Variants in MYT1L observed in about 807,000 individuals in gnomAD.
MYT1L encodes myelin transcription factor 1 like, also known as myelin transcription factor 1-like protein.
Under a neutral mutation model 126.7 loss-of-function variants are expected in MYT1L, and 12 were observed. The ratio of observed to expected loss-of-function variants is 0.09; its 90% CI spans 0.06 to 0.15. The LOEUF (loss-of-function observed/expected upper bound fraction) is 0.15. MYT1L is among the 10% of genes least tolerant of loss of function. The pLI is 1.00. For missense variants in MYT1L, 979 were observed against 1,585.2 expected (o/e 0.62, Z 6.49); for synonymous variants, 541 against 604.2 (o/e 0.90, Z 1.53).
At chr2:1,891,660 C>A (rs2048896130) in intron 15 of MYT1L, among the ~76,000 whole-genome samples, 1 of 152,150 alleles carries the variant, frequency 6.6e-6, no homozygotes, top group African/African-American at 2.4e-5. Flanking sequence ...AGCAGAACTT[C>A]CTGTCAAAGT....
chr2:1,842,161 G>A (rs899664176), intron 19 of MYT1L: 2 of 152,306 alleles, frequency 1.3e-5, no homozygotes, highest in African/African-American at 4.8e-5. Flanking sequence ...TCCTGAGCTC[G>A]GGGATAGTTT....
At chr2:2,094,372 C>T (rs2077209579) in intron 3 of MYT1L, among the ~76,000 whole-genome samples, 1 of 152,170 alleles carries the variant, frequency 6.6e-6, no homozygotes, top group Non-Finnish European at 1.5e-5. Flanking sequence ...AGTGATTTCT[C>T]AGGGATCTAG....
At chr2:2,102,126 G>A (rs1428472939) in intron 3 of MYT1L, among the ~76,000 whole-genome samples, 2 of 152,150 alleles carry the variant, frequency 1.3e-5, no homozygotes. Context: ...TACCACTGGG[G>A]GGAAGCTGTT....
At chr2:1,959,436 A>G (rs1367396782) in intron 8 of MYT1L, among the ~76,000 whole-genome samples, 2 of 152,234 alleles carry the variant, frequency 1.3e-5, no homozygotes, top group African/African-American at 4.8e-5. Context: ...CAGGGGTCAC[A>G]GTCCAGCATC....
chr2:1,902,787 A>G (rs1471255614), intron 14 of MYT1L: 2 of 402,926 alleles, frequency 5.0e-6, no homozygotes, highest in Non-Finnish European at 9.2e-6. Flanking sequence ...ACCACAAAAG[A>G]CAATAAGCCA....
intron 18 of MYT1L, among the ~76,000 whole-genome samples, chr2:1,866,417 A>G (rs1399957603): frequency 6.7e-6 from 1 of 149,578 alleles, no homozygotes; most frequent in African/African-American, 2.5e-5. Context: ...GAGGAGAGAG[A>G]AGGAGGCAGG....
intron 2 of MYT1L, among the ~76,000 whole-genome samples, chr2:2,182,894 G>C (rs917393041): frequency 2.6e-5 from 4 of 152,208 alleles, no homozygotes; most frequent in African/African-American, 9.6e-5. Flanking sequence ...AGTTGCAGGG[G>C]AGAGAAGGAG....
intron 4 of MYT1L, among the ~76,000 whole-genome samples, chr2:2,036,501 C>CA (rs768177442): frequency 6.6e-6 from 1 of 151,856 alleles, no homozygotes; most frequent in Non-Finnish European, 1.5e-5. Flanking sequence ...AACTTCTCCC[C>CA]ACAATCTCCA....
intron 4 of MYT1L, among the ~76,000 whole-genome samples, chr2:2,025,778 T>C (rs1479654133): frequency 6.6e-6 from 1 of 152,104 alleles, no homozygotes; most frequent in African/African-American, 2.4e-5. Flanking sequence ...AATTTACATA[T>C]AACATTCCTG....
chr2:2,275,242 G>A (rs1445149178), intron 2 of MYT1L, among the ~76,000 whole-genome samples: 1 of 147,942 alleles, frequency 6.8e-6, no homozygotes, highest in Non-Finnish European at 1.5e-5. Flanking sequence ...GTGTGTGTGT[G>A]TGTGCATGCC....
chr2:1,880,471 A>G (rs914185627), intron 18 of MYT1L, among the ~76,000 whole-genome samples: 3 of 152,204 alleles, frequency 2.0e-5, no homozygotes, highest in Admixed American at 2.0e-4. Flanking sequence ...CTGAGTAGCT[A>G]GAACACTTTT....
At chr2:2,032,026 T>C (rs1310892116) in intron 4 of MYT1L, among the ~76,000 whole-genome samples, 30 of 118,028 alleles carry the variant, frequency 2.5e-4, no homozygotes, top group East Asian at 1.8e-3. Flanking sequence ...GAGGGCCTTA[T>C]ACACACCCCT....
At chr2:1,813,193 G>A (rs912357015) in intron 21 of MYT1L, among the ~76,000 whole-genome samples, 4 of 152,184 alleles carry the variant, frequency 2.6e-5, no homozygotes, top group Non-Finnish European at 5.9e-5. Context: ...GGGAGAGAGG[G>A]AGGGCCACAA....
intron 3 of MYT1L, among the ~76,000 whole-genome samples, chr2:2,165,054 G>A (rs1180526518): frequency 2.0e-5 from 3 of 152,148 alleles, no homozygotes; most frequent in Admixed American, 2.0e-4. Context: ...TTTCCTGGAT[G>A]AGTCTCTGCT....
intron 2 of MYT1L, among the ~76,000 whole-genome samples, chr2:2,230,745 G>A (rs1358238982): frequency 1.3e-5 from 2 of 152,150 alleles, no homozygotes; most frequent in Non-Finnish European, 2.9e-5. Context: ...TGCACACCAC[G>A]CTGAAAGATT....
chr2:2,137,409 T>G (rs1238720805), intron 3 of MYT1L, among the ~76,000 whole-genome samples: 1 of 152,154 alleles, frequency 6.6e-6, no homozygotes, highest in Non-Finnish European at 1.5e-5. Flanking sequence ...AGAACAAAGC[T>G]GAAAGCATCA....
chr2:1,794,656 T>A (rs1193146226), intron 23 of MYT1L, among the ~76,000 whole-genome samples: 2 of 152,206 alleles, frequency 1.3e-5, no homozygotes, highest in African/African-American at 4.8e-5. Context: ...CTGGAAAGTC[T>A]AGCCCCTTCT....
intron 18 of MYT1L, among the ~76,000 whole-genome samples, chr2:1,858,830 T>C (rs1394371845): frequency 2.0e-5 from 3 of 152,212 alleles, no homozygotes; most frequent in Admixed American, 6.5e-5. Flanking sequence ...GCATGGGGCG[T>C]TGATATTTTC....
At chr2:1,800,247 C>T (rs2034586292) in intron 23 of MYT1L, 1 of 152,294 alleles carries the variant, frequency 6.6e-6, no homozygotes, top group East Asian at 1.9e-4. Context: ...CTCGGCTGGT[C>T]CCGGGGGTGA....
Sources: gnomAD v4.1 joint callset for allele counts (sites outside exome capture counted in the v4.1 genomes callset) on GRCh38, gnomAD v4.1.1 for gene constraint, MANE v1.5 for transcripts, NCBI Gene and HGNC (gene_info 2026-07-23, HGNC 2026-07-21) for gene names.